Variants in PAPLN observed in about 807,000 individuals in gnomAD.
PAPLN encodes the protein papilin.
Under a neutral mutation model 159.0 loss-of-function variants are expected in PAPLN, and 146 were observed. That is an observed-to-expected ratio of 0.92 (90% confidence interval 0.80 to 1.05). The LOEUF (loss-of-function observed/expected upper bound fraction) is 1.05, where lower values mean the gene tolerates loss of function less well. Among genes scored for constraint, PAPLN ranks in the 50% least tolerant of loss-of-function variants. The probability of loss-of-function intolerance (pLI) is 0.00; values close to 1 mark genes in which losing one functional copy is unlikely to be tolerated. For synonymous variants in PAPLN, 734 were observed against 702.9 expected (o/e 1.04, Z -0.70); for missense variants, 1,720 against 1,743.9 (o/e 0.99, Z 0.24).
intron 14 of PAPLN, among the ~76,000 whole-genome samples, chr14:73,255,923 G>T (rs917726605): frequency 2.0e-5 from 3 of 152,236 alleles, no homozygotes; most frequent in Non-Finnish European, 4.4e-5. Context: ...TTGCCCATCT[G>T]CACAGTGGGG....
chr14:73,236,150 G>C (rs78387414), upstream of PAPLN, among the ~76,000 whole-genome samples: 16,057 of 151,588 alleles, frequency 0.11, 1,004 homozygotes, highest in Middle Eastern at 0.22. Flanking sequence ...CTAAAGATGA[G>C]TGAATTCCAG....
At position 73,263,334 on chromosome 14, in the gene PAPLN, AG is replaced by A. The variant is rs945696072; in HGVS notation, c.2724-310del. ...TCCACATGGGTCGAGCGTGTAGTTT[AG>A]CCCCCACATGAACCTGGTGTGTGCC... On this transcript the variant is annotated intron_variant, in intron 19 of 26. Coordinates refer to ENST00000644200, the MANE Select transcript of PAPLN (RefSeq NM_001365906.3). The A allele has an allele frequency of 1.4e-5, 7 of 505,260 alleles. No individual in the cohort carries two copies. The Admixed American group carries it at 2.3e-4, about 17-fold the overall frequency. 31.3% of individuals were successfully genotyped at this position (505,260 alleles called of 1,614,324 possible).
intron 18 of PAPLN, 89 bp from the exon 19 acceptor site, chr14:73,262,261 C>A: frequency 7.6e-7 from 1 of 1,307,438 alleles, no homozygotes; most frequent in Non-Finnish European, 1.1e-6. Flanking sequence ...GGGGAAGGGC[C>A]TGCTTCCTGA....
chr14:73,254,242 A>C (rs576666444), intron 12 of PAPLN, among the ~76,000 whole-genome samples: 16 of 152,290 alleles, frequency 1.1e-4, no homozygotes, highest in South Asian at 8.3e-4. Flanking sequence ...GGAAGTGTCT[A>C]GGCTGCCAGT....
Position 73,250,817 on chromosome 14 carries a change from G to A in PAPLN, c.466-90G>A. 3 of 1,442,094 alleles carry A rather than the reference G, an allele frequency of 2.1e-6. No homozygotes were observed. The South Asian group carries it at 4.5e-5, about 21-fold the overall frequency. The allele number at this position is 1,442,094 out of a possible 1,614,324, so 89.3% of individuals were successfully genotyped here. A position where few individuals can be genotyped will look rare whatever the true frequency, so the allele number is the denominator to read the frequency against. On this transcript the variant is annotated intron_variant, in intron 6 of 26. Coordinates refer to ENST00000644200, the MANE Select transcript of PAPLN (RefSeq NM_001365906.3). ...CCGACCACCCTATCCTGCCTGGGCT[G>A]CGTGGGTGCTGGGGTTAGGATGCGA...
chr14:73,272,550 G>A lies in PAPLN; in HGVS notation c.3723G>A (p.Leu1241=). 6.3e-7 allele frequency: 1 copy of A among 1,598,492 alleles called. No homozygotes were observed. The highest frequency in any genetic ancestry group is 8.6e-7 in the Non-Finnish European group (1 of 1,167,250). ...GGGACTGCGTCGACCAGCCAGAGCT[G>A]GCCAACTGTGATTTGATCCTGCAGG... is the stretch of plus-strand genomic sequence containing the variant. ...PGRDCVDQPE[L]ANCDLILQAQ... is the part of the protein sequence containing the mutation. Residue 1241 remains leucine, a synonymous_variant, in exon 27 of 27, where the codon CTG becomes CTA. Transcript: ENST00000644200.
chr14:73,253,102 G>T, intron 11 of PAPLN: 1 of 1,404,988 alleles, frequency 7.1e-7, no homozygotes, highest in Admixed American at 1.8e-5. Flanking sequence ...CAAGGGGTGG[G>T]CCAGGGGTCA....
intron 10 of PAPLN, 66 bp downstream of exon 10, chr14:73,252,207 G>C: frequency 6.7e-7 from 1 of 1,500,150 alleles, no homozygotes. Context: ...GCCACAGGTG[G>C]GCAAGTCACA....
upstream of PAPLN, among the ~76,000 whole-genome samples, chr14:73,236,095 C>T (rs1883021532): frequency 6.6e-6 from 1 of 151,642 alleles, no homozygotes; most frequent in African/African-American, 2.4e-5. Context: ...CCCAACCTCT[C>T]CCCAACTTCT....
intron 25 of PAPLN, among the ~76,000 whole-genome samples, chr14:73,267,383 G>GTTCTGGGGA (rs1488434829): frequency 6.6e-6 from 1 of 152,194 alleles, no homozygotes; most frequent in Non-Finnish European, 1.5e-5. Context: ...ACTAGGCTAG[G>GTTCTGGGGA]TTCTGGGGAT....
chr14:73,271,343 TAC>T (rs1425041745), intron 26 of PAPLN, among the ~76,000 whole-genome samples: 1 of 152,132 alleles, frequency 6.6e-6, no homozygotes, highest in African/African-American at 2.4e-5. Flanking sequence ...CGCTGCTAGG[TAC>T]AGTCTTTTAG....
At chr14:73,240,630 T>C (rs1268898135) in intron 2 of PAPLN, among the ~76,000 whole-genome samples, 1 of 152,114 alleles carries the variant, frequency 6.6e-6, no homozygotes, top group Admixed American at 6.5e-5. Flanking sequence ...AACAGCCGCA[T>C]GCGGCTAGTG....
chr14:73,238,280 C>T (rs1883184826), intron 1 of PAPLN, among the ~76,000 whole-genome samples: 1 of 152,218 alleles, frequency 6.6e-6, no homozygotes, highest in Admixed American at 6.5e-5. Context: ...ACGCGTTCCC[C>T]GGGAACAACA....
In PAPLN at chr14:73,265,052, G is replaced by C. The variant is rs1205315203; in HGVS notation, c.3126-318G>C. On this transcript the variant is annotated intron_variant, in intron 22 of 26. Coordinates refer to ENST00000644200, the MANE Select transcript of PAPLN (RefSeq NM_001365906.3). This position sits in a 1 kb window ranked among gnomAD's most constrained non-coding sequence, Gnocchi z 4.1. Reference sequence around the variant, plus strand: ...GTTCAGTTTACAGAGGGGGTGTGGAGGACCGGAGGGGGTGCCCAACTCAAA... The same window carrying C: ...GTTCAGTTTACAGAGGGGGTGTGGACGACCGGAGGGGGTGCCCAACTCAAA... Among the ~76,000 whole-genome samples the C allele has an allele frequency of 6.6e-6, 1 of 152,154 alleles. No individual in the cohort carries two copies. The highest frequency in any genetic ancestry group is 2.4e-5 in the African/African-American group (1 of 41,430).
chr14:73,249,166 C>T (rs1884942901), intron 5 of PAPLN, among the ~76,000 whole-genome samples: 1 of 152,102 alleles, frequency 6.6e-6, no homozygotes, highest in African/African-American at 2.4e-5. Flanking sequence ...TATCCTCATC[C>T]TGCCCCTTTC....
intron 14 of PAPLN, among the ~76,000 whole-genome samples, chr14:73,255,769 A>C (rs1003885025): frequency 2.0e-5 from 3 of 152,170 alleles, no homozygotes; most frequent in African/African-American, 7.2e-5. Flanking sequence ...GAGATGAAGG[A>C]AGGCAGAATT....
At chr14:73,257,541 A>G (rs138738206) in intron 14 of PAPLN, among the ~76,000 whole-genome samples, 10 of 152,248 alleles carry the variant, frequency 6.6e-5, no homozygotes, top group African/African-American at 2.4e-4. Context: ...AATTTTAGGG[A>G]TGTTGTTTAA....
At chr14:73,264,095 T>A in intron 20 of PAPLN, 116 bp from the exon 21 acceptor site, 1 of 1,575,992 alleles carries the variant, frequency 6.3e-7, no homozygotes, top group Non-Finnish European at 8.6e-7. Context: ...TCACTTGGGG[T>A]GGGAGGGTGC....
chr14:73,262,342 C>CCCTG lies in PAPLN; in HGVS notation c.2246-6_2246-3dup. On this transcript the variant is annotated splice_polypyrimidine_tract_variant and splice_region_variant and intron_variant, in intron 18 of 26. Coordinates refer to ENST00000644200, the MANE Select transcript of PAPLN (RefSeq NM_001365906.3). ...CTCAGTGACTTATATCACACCCATG[C>CCCTG]CCTGCAGCCTACCCCGTGCGGTGCC... The CCCTG allele has an allele frequency of 6.2e-7, 1 of 1,602,174 alleles. No homozygotes were observed. Among genetic ancestry groups the CCCTG allele is most frequent in the Non-Finnish European group, 8.5e-7 (1 of 1,172,762 alleles).
Sources: gnomAD v4.1 joint callset for allele counts (sites outside exome capture counted in the v4.1 genomes callset) on GRCh38, gnomAD v4.1.1 for gene constraint, Gnocchi (gnomAD v3.1) non-coding constraint, MANE v1.5 for transcripts, NCBI Gene and HGNC (gene_info 2026-07-23, HGNC 2026-07-21) for gene names.